Variants in NCKAP5 observed in about 807,000 individuals in gnomAD.
NCKAP5 encodes the protein nck-associated protein 5.
In NCKAP5, 92 loss-of-function variants were observed where a neutral mutation model predicts 167.0. The ratio of observed to expected loss-of-function variants is 0.55; its 90% CI spans 0.47 to 0.66. The LOEUF (loss-of-function observed/expected upper bound fraction) is 0.66, where lower values mean the gene tolerates loss of function less well. NCKAP5 is among the 30% of genes least tolerant of loss of function. The pLI, the probability that NCKAP5 is intolerant of heterozygous loss-of-function variation, is 0.00. For missense variants in NCKAP5, 2,378 were observed against 2,315.0 expected (o/e 1.03, Z -0.56); for synonymous variants, 891 against 877.4 (o/e 1.02, Z -0.27).
At chr2:133,589,394 A>G in the NCKAP5 span, among the ~76,000 whole-genome samples, 1 of 152,316 alleles carries the variant, frequency 6.6e-6, no homozygotes, top group South Asian at 2.1e-4. Flanking sequence ...CTGCAGGAGA[A>G]GCAGTTTCAC....
chr2:133,231,578 CT>C (rs1195743819), intron 4 of NCKAP5, among the ~76,000 whole-genome samples: 15 of 152,160 alleles, frequency 9.9e-5, no homozygotes, highest in African/African-American at 3.4e-4. Context: ...TTATTTGGTA[CT>C]TACTTGCTGT....
intron 19 of NCKAP5, among the ~76,000 whole-genome samples, chr2:132,692,660 C>T (rs1327983198): frequency 1.3e-5 from 2 of 152,004 alleles, no homozygotes; most frequent in South Asian, 4.1e-4. Flanking sequence ...AAACAAGTGG[C>T]ACCAAGAAAT....
intron 15 of NCKAP5, among the ~76,000 whole-genome samples, chr2:132,776,930 A>C (rs1486533495): frequency 1.3e-5 from 2 of 152,212 alleles, no homozygotes; most frequent in African/African-American, 4.8e-5. Context: ...GTGGGAAAGC[A>C]CTGCAAAGAA....
Position 132,725,689 on chromosome 2 carries a change from C to T in NCKAP5, c.5651G>A (p.Gly1884Glu). The T allele has an allele frequency of 6.2e-7, 1 of 1,613,326 alleles. No individual in the cohort carries two copies. The highest frequency in any genetic ancestry group is 1.1e-5 in the South Asian group (1 of 90,864). Residue 1884 changes from glycine (G) to glutamate (E), a missense_variant, in exon 19 of 20, where the codon GGA (glycine) becomes GAA (glutamate). Gly to Glu is a moderately conservative substitution (Grantham distance 98). Coordinates refer to ENST00000409261, the MANE Select transcript of NCKAP5 (RefSeq NM_207363.3). ...GSNSDSDLDY[G>E]DNGFGAGRGQ... ...CCTTCCAGCTCCAAAACCATTATCT[C>T]CATAGTCCAGGTCACTGTCACTATT...
chr2:133,524,382 C>T (rs1195207362), intron 2 of NCKAP5, among the ~76,000 whole-genome samples: 1 of 152,162 alleles, frequency 6.6e-6, no homozygotes, highest in East Asian at 1.9e-4. Flanking sequence ...TTATCCGTAT[C>T]TCCACTCTCA....
intron 8 of NCKAP5, chr2:132,926,194 C>G (rs1187994398): frequency 7.5e-6 from 3 of 399,410 alleles, no homozygotes; most frequent in Non-Finnish European, 1.5e-5. Flanking sequence ...GCCTCCAGTT[C>G]CATCCATGTT....
At chr2:132,867,594 C>T (rs911427395) in intron 10 of NCKAP5, among the ~76,000 whole-genome samples, 3 of 152,052 alleles carry the variant, frequency 2.0e-5, no homozygotes, top group African/African-American at 4.8e-5. Flanking sequence ...CTTCATATTC[C>T]TCAGCTTTTA....
At chr2:133,418,781 C>T (rs1235848387) in intron 3 of NCKAP5, among the ~76,000 whole-genome samples, 2 of 152,056 alleles carry the variant, frequency 1.3e-5, no homozygotes, top group African/African-American at 4.8e-5. Context: ...ACTCCATTGC[C>T]GTTAGTGTTT....
intron 4 of NCKAP5, among the ~76,000 whole-genome samples, chr2:133,235,870 C>A (rs2087385697): frequency 2.0e-5 from 3 of 150,374 alleles, no homozygotes; most frequent in African/African-American, 7.4e-5. Context: ...TGCCATCGCA[C>A]TCCAGCCTGG....
At position 132,871,733 on chromosome 2, in the gene NCKAP5, G is replaced by A. The variant is rs188097767; in HGVS notation, c.649-2759C>T. Among the ~76,000 whole-genome samples, 21 of 152,254 alleles carry A rather than the reference G, an allele frequency of 1.4e-4. No homozygotes were observed. The East Asian group carries it at 3.7e-3, about 27-fold the overall frequency. On this transcript the variant is annotated intron_variant, in intron 9 of 19. Transcript: ENST00000409261. ...TCTTGAAAGCTGAACAAAGATACAC[G>A]AATGCCTTATTTCTTTACCTACTGA...
chr2:133,232,726 G>A (rs1016663666), intron 4 of NCKAP5, among the ~76,000 whole-genome samples: 5 of 152,152 alleles, frequency 3.3e-5, no homozygotes, highest in African/African-American at 1.2e-4. Flanking sequence ...TTAAAGGCAA[G>A]CAAGAAAAAC....
At chr2:133,339,527 G>T (rs1183464620) in intron 3 of NCKAP5, among the ~76,000 whole-genome samples, 3 of 152,192 alleles carry the variant, frequency 2.0e-5, no homozygotes, top group East Asian at 1.9e-4. Flanking sequence ...GGGCTAAGCT[G>T]CCAGGAACAG....
chr2:133,516,043 A>G (rs1395679837), intron 3 of NCKAP5, among the ~76,000 whole-genome samples: 1 of 152,214 alleles, frequency 6.6e-6, no homozygotes, highest in East Asian at 1.9e-4. Flanking sequence ...TTGGGGACCA[A>G]CCAATACCGA....
chr2:133,647,420 A>AAGGAAGGAAGG, the NCKAP5 span, among the ~76,000 whole-genome samples: 2 of 59,342 alleles, frequency 3.4e-5, no homozygotes, highest in African/African-American at 1.7e-4. Context: ...AGGAAGGAAG[A>AAGGAAGGAAGG]GAAAGAAAGG....
the NCKAP5 span, among the ~76,000 whole-genome samples, chr2:133,596,639 G>A: frequency 3.3e-4 from 51 of 152,278 alleles, no homozygotes; most frequent in Middle Eastern, 3.4e-3. Flanking sequence ...TGCTATTAAC[G>A]GAGAATCCAG....
At chr2:133,627,687 A>T in the NCKAP5 span, among the ~76,000 whole-genome samples, 3 of 152,070 alleles carry the variant, frequency 2.0e-5, no homozygotes, top group Non-Finnish European at 4.4e-5. Context: ...CTGTGCCTCA[A>T]AAAAAAAGAA....
chr2:133,411,867 C>A (rs1049779319), intron 3 of NCKAP5, among the ~76,000 whole-genome samples: 2 of 152,170 alleles, frequency 1.3e-5, no homozygotes, highest in East Asian at 3.9e-4. Context: ...TTCCCATGAT[C>A]CCTCCCCATG....
intron 2 of NCKAP5, among the ~76,000 whole-genome samples, chr2:133,529,123 T>A (rs944462522): frequency 6.6e-6 from 1 of 152,178 alleles, no homozygotes; most frequent in African/African-American, 2.4e-5. Flanking sequence ...ACTTGGCCAA[T>A]CTATGAGATA....
At chr2:133,607,952 A>G in the NCKAP5 span, among the ~76,000 whole-genome samples, 1 of 152,218 alleles carries the variant, frequency 6.6e-6, no homozygotes, top group African/African-American at 2.4e-5. Flanking sequence ...ATAAAATCCA[A>G]TAACAACTTA....
Sources: gnomAD v4.1 joint callset for allele counts (sites outside exome capture counted in the v4.1 genomes callset) on GRCh38, gnomAD v4.1.1 for gene constraint, MANE v1.5 for transcripts, NCBI Gene and HGNC (gene_info 2026-07-23, HGNC 2026-07-21) for gene names.